Variants in CNTN5 observed in about 807,000 individuals in gnomAD.
The protein encoded by CNTN5 is contactin 5.
Under a neutral mutation model 129.1 loss-of-function variants are expected in CNTN5, and 77 were observed. The observed-to-expected ratio is 0.60, with a 90% CI of 0.50 to 0.72. CNTN5 has a LOEUF of 0.72. CNTN5 is among the 30% of genes least tolerant of loss of function. CNTN5 has a pLI of 0.00. For missense variants in CNTN5, 1,478 were observed against 1,328.8 expected (o/e 1.11, Z -1.75); for synonymous variants, 509 against 465.6 (o/e 1.09, Z -1.20).
intron 1 of CNTN5, among the ~76,000 whole-genome samples, chr11:99,143,835 G>T (rs1382829799): frequency 6.6e-6 from 1 of 152,054 alleles, no homozygotes; most frequent in Non-Finnish European, 1.5e-5. Context: ...TACAGGATAA[G>T]ACTTTTGAAA....
intron 20 of CNTN5, among the ~76,000 whole-genome samples, chr11:100,302,008 A>G (rs573098681): frequency 1.8e-4 from 27 of 151,704 alleles, no homozygotes; most frequent in African/African-American, 6.5e-4. Flanking sequence ...GCTTCACTAC[A>G]TTGCAAACTG....
chr11:100,199,988 T>C (rs1032122362), intron 15 of CNTN5, among the ~76,000 whole-genome samples: 3 of 152,032 alleles, frequency 2.0e-5, no homozygotes, highest in African/African-American at 7.2e-5. Flanking sequence ...GGTTTTAATA[T>C]AATTAAATAC....
At chr11:99,053,268 G>A (rs1400595571) in intron 1 of CNTN5, among the ~76,000 whole-genome samples, 1 of 151,760 alleles carries the variant, frequency 6.6e-6, no homozygotes, top group African/African-American at 2.4e-5. Flanking sequence ...ATTCTCCAGT[G>A]AACTAATTTT....
chr11:100,097,166 A>G (rs1184191906), intron 13 of CNTN5, among the ~76,000 whole-genome samples: 1 of 152,146 alleles, frequency 6.6e-6, no homozygotes, highest in Non-Finnish European at 1.5e-5. Context: ...TTATAATCCT[A>G]ATATATCACA....
At chr11:99,740,079 A>T (rs1037130590) in intron 3 of CNTN5, among the ~76,000 whole-genome samples, 1 of 152,186 alleles carries the variant, frequency 6.6e-6, no homozygotes, top group African/African-American at 2.4e-5. Flanking sequence ...TAACAGTATA[A>T]TTAGTTCAGA....
intron 3 of CNTN5, among the ~76,000 whole-genome samples, chr11:99,566,126 G>A (rs1948998341): frequency 6.6e-6 from 1 of 152,094 alleles, no homozygotes; most frequent in East Asian, 1.9e-4. Flanking sequence ...TTGGATCATG[G>A]GAGTAGATCC....
chr11:99,730,488 G>A (rs148330011), intron 3 of CNTN5, among the ~76,000 whole-genome samples: 11 of 152,098 alleles, frequency 7.2e-5, no homozygotes, highest in Admixed American at 1.3e-4. Flanking sequence ...TAGGGCTGCC[G>A]GTTATCTACT....
At chr11:99,463,106 T>A (rs1944782256) in intron 2 of CNTN5, among the ~76,000 whole-genome samples, 1 of 23,872 alleles carries the variant, frequency 4.2e-5, no homozygotes, top group African/African-American at 1.3e-4. Context: ...AGACTCCATC[T>A]CAAAATAAAT....
chr11:99,643,625 TAAC>T (rs1951847749), intron 3 of CNTN5, among the ~76,000 whole-genome samples: 3 of 152,092 alleles, frequency 2.0e-5, no homozygotes, highest in South Asian at 4.1e-4. Flanking sequence ...TTGTTAATAT[TAAC>T]AATAATTATA....
intron 16 of CNTN5, among the ~76,000 whole-genome samples, chr11:100,246,481 C>T (rs954787419): frequency 1.3e-5 from 2 of 152,032 alleles, no homozygotes; most frequent in Non-Finnish European, 2.9e-5. Context: ...TCCTGGGGCT[C>T]TAGTCATAGA....
intron 7 of CNTN5, among the ~76,000 whole-genome samples, chr11:99,954,390 A>C (rs2136160480): frequency 6.6e-6 from 1 of 152,266 alleles, no homozygotes; most frequent in African/African-American, 2.4e-5. Flanking sequence ...GGAAAATCAT[A>C]GTTGACCAAC....
At chr11:100,339,036 CTG>C (rs903964567) in intron 21 of CNTN5, among the ~76,000 whole-genome samples, 2 of 151,916 alleles carry the variant, frequency 1.3e-5, no homozygotes, top group African/African-American at 4.8e-5. Context: ...GGAGCAAGCT[CTG>C]TGCAGGGCCT....
chr11:99,226,910 TA>T (rs1429953155), intron 1 of CNTN5, among the ~76,000 whole-genome samples: 1 of 152,218 alleles, frequency 6.6e-6, no homozygotes, highest in East Asian at 1.9e-4. Context: ...GATCATTAGT[TA>T]CCTCGTATAC....
intron 2 of CNTN5, among the ~76,000 whole-genome samples, chr11:99,411,635 C>T (rs1449447979): frequency 6.6e-6 from 1 of 152,114 alleles, no homozygotes; most frequent in Non-Finnish European, 1.5e-5. Flanking sequence ...GAACTTCCAC[C>T]CAGGAGACTC....
chr11:99,519,764 C>T (rs1238484146), intron 2 of CNTN5, among the ~76,000 whole-genome samples: 1 of 151,932 alleles, frequency 6.6e-6, no homozygotes, highest in Non-Finnish European at 1.5e-5. Flanking sequence ...GGGAACAATT[C>T]TAGAGTTTAC....
intron 21 of CNTN5, chr11:100,308,983 A>G (rs1279627285): frequency 2.0e-6 from 2 of 984,934 alleles, no homozygotes; most frequent in Non-Finnish European, 2.4e-6. Flanking sequence ...TATAATGGTG[A>G]ACATTTCATA....
At chr11:100,178,128 C>G in intron 13 of CNTN5, among the ~76,000 whole-genome samples, 1 of 152,228 alleles carries the variant, frequency 6.6e-6, no homozygotes. Context: ...GCTCCACTCC[C>G]TCTTCTACCA....
At chr11:100,214,152 AAATT>A (rs759165026) in intron 15 of CNTN5, among the ~76,000 whole-genome samples, 26 of 152,128 alleles carry the variant, frequency 1.7e-4, no homozygotes, top group Non-Finnish European at 2.6e-4. Context: ...TGCTGATATA[AAATT>A]AATTATTTCA....
At chr11:99,227,301 A>C (rs938509208) in intron 1 of CNTN5, among the ~76,000 whole-genome samples, 1 of 151,966 alleles carries the variant, frequency 6.6e-6, no homozygotes, top group African/African-American at 2.4e-5. Context: ...CAAAGATTGC[A>C]GTTAGCTGAG....
Sources: gnomAD v4.1 joint callset for allele counts (sites outside exome capture counted in the v4.1 genomes callset) on GRCh38, gnomAD v4.1.1 for gene constraint, MANE v1.5 for transcripts, NCBI Gene and HGNC (gene_info 2026-07-23, HGNC 2026-07-21) for gene names.